Variants in CCSAP observed in about 807,000 individuals in gnomAD.
The protein encoded by CCSAP is centriole, cilia and spindle associated protein, also known as centriole, cilia and spindle-associated protein.
CCSAP carries 17 observed loss-of-function variants against 25.9 expected under a neutral mutation model. The ratio of observed to expected loss-of-function variants is 0.66; its 90% CI spans 0.45 to 0.99. CCSAP has a LOEUF of 0.99. Among genes scored for constraint, CCSAP ranks in the 50% least tolerant of loss-of-function variants. The pLI is 0.00. For missense variants in CCSAP, 339 were observed against 367.8 expected, an observed-to-expected ratio of 0.92 and a Z score of 0.64; for synonymous variants, 169 against 157.1, an observed-to-expected ratio of 1.08 and a Z score of -0.57.
chr1:229,337,678 A>AAAAAAAAAAAAAAATATAG, intron 2 of CCSAP, among the ~76,000 whole-genome samples: 1 of 65,548 alleles, frequency 1.5e-5, no homozygotes. Flanking sequence ...CTCAAAAAAA[A>AAAAAAAAAAAAAAATATAG]ATATATATAT....
Position 229,326,877 on chromosome 1 carries a change from G to A in CCSAP, c.497C>T (p.Ala166Val), listed in dbSNP as rs532974546. The A allele has an allele frequency of 4.6e-5, 75 of 1,614,134 alleles. No homozygotes were observed. The highest frequency in any genetic ancestry group is 1.8e-4 in the East Asian group (8 of 44,878). Residue 166 changes from alanine to valine, a missense_variant, in exon 3 of 4, where the codon GCG becomes GTG. Transcript: ENST00000284617. ...CGATGATCTTTGGGGACTTTTGACC[G>A]CTTTCCTGTTTCCTCTAGCAAATAA... ...SALFARGNRK[A>V]VKSPQRSSSK...
chr1:229,342,310 C>T lies in CCSAP; in HGVS notation c.156G>A (p.Trp52Ter). The change falls in exon 2 of 4, where the codon TGG (tryptophan) becomes TGA (stop). Residue 52 changes from tryptophan (W) to a stop codon, truncating the protein, a stop_gained. Coordinates refer to ENST00000284617, the MANE Select transcript of CCSAP (RefSeq NM_145257.5). LOFTEE classifies it high-confidence loss of function. The surrounding 1 kb of genome is among the most constrained non-coding windows in gnomAD (Gnocchi z 7.5). ...QAHAPWLWDD[W>*]GPAGSSEDSA... ...AGTCCTCCGAGGAGCCGGCCGGGCC[C>T]CAGTCGTCCCAGAGCCAGGGCGCGT... 6.8e-7 allele frequency: 1 copy of T among 1,469,128 alleles called. No homozygotes were observed. The allele number at this position is 1,469,128 out of a possible 1,614,324, so 91.0% of individuals were successfully genotyped here.
intron 2 of CCSAP, among the ~76,000 whole-genome samples, chr1:229,331,393 G>A (rs937247022): frequency 9.2e-5 from 14 of 152,114 alleles, no homozygotes; most frequent in Admixed American, 4.6e-4. Flanking sequence ...ACTCATCACC[G>A]TAACATTAAT....
At position 229,339,579 on chromosome 1, in the gene CCSAP, A is replaced by G. The variant is rs866079354; in HGVS notation, c.367+2520T>C. Among the ~76,000 whole-genome samples, 12 of 152,262 alleles carry G rather than the reference A, an allele frequency of 7.9e-5. No homozygotes were observed. The South Asian group carries it at 1.7e-3, about 21-fold the overall frequency. On this transcript the variant is annotated intron_variant, in intron 2 of 3. Coordinates refer to ENST00000284617, the MANE Select transcript of CCSAP (RefSeq NM_145257.5). Reference sequence around the variant, plus strand: ...AGGCACACGACAGAGACTCAAACCCAAGAGAGAAGCCAAGAAAGGTCCTAG... The same window carrying G: ...AGGCACACGACAGAGACTCAAACCCGAGAGAGAAGCCAAGAAAGGTCCTAG...
intron 2 of CCSAP, among the ~76,000 whole-genome samples, chr1:229,329,296 A>G (rs1052603293): frequency 1.3e-5 from 2 of 152,216 alleles, no homozygotes; most frequent in African/African-American, 4.8e-5. Flanking sequence ...TGATAGGACA[A>G]TCTGGGGCTA....
chr1:229,325,455 T>C lies in CCSAP; in HGVS notation c.637-44A>G, dbSNP rs200618445. On this transcript the variant is annotated intron_variant, in intron 3 of 3. Coordinates refer to ENST00000284617, the MANE Select transcript of CCSAP (RefSeq NM_145257.5). ...AAAGGATAGTAACTTAAGGGGCTATTATACTAATGTTCAACAGAGGTTGCA... is the reference window on the plus strand; with the variant it reads ...AAAGGATAGTAACTTAAGGGGCTATCATACTAATGTTCAACAGAGGTTGCA... The C allele has an allele frequency of 2.6e-3, 3,996 of 1,565,624 alleles. 11 individuals carry two copies. The highest frequency in any genetic ancestry group is 3.1e-3 in the Non-Finnish European group (3,610 of 1,150,936).
chr1:229,338,921 T>G (rs1351081744), intron 2 of CCSAP, among the ~76,000 whole-genome samples: 1 of 150,310 alleles, frequency 6.7e-6, no homozygotes, highest in African/African-American at 2.4e-5. Context: ...AAAAGAAAAA[T>G]AGGATCCCTC....
At chr1:229,327,120 C>A in intron 2 of CCSAP, 114 bp from the exon 3 acceptor site, 1 of 849,832 alleles carries the variant, frequency 1.2e-6, no homozygotes, top group Non-Finnish European at 1.7e-6. Flanking sequence ...TCACTTATGG[C>A]TCAACTCATA....
At chr1:229,335,289 A>G (rs573563847) in intron 2 of CCSAP, among the ~76,000 whole-genome samples, 1 of 152,260 alleles carries the variant, frequency 6.6e-6, no homozygotes, top group East Asian at 1.9e-4. Flanking sequence ...ATTGCACTCT[A>G]GCCTAGGCAA....
chr1:229,342,249 C>T lies in CCSAP; in HGVS notation c.217G>A (p.Ala73Thr). 1 of 1,272,786 alleles carries T rather than the reference C, an allele frequency of 7.9e-7. No homozygotes were observed. The highest frequency in any genetic ancestry group is 9.9e-7 in the Non-Finnish European group (1 of 1,012,468). 78.8% of individuals were successfully genotyped at this position (1,272,786 alleles called of 1,614,324 possible). ...GGCGAGGGCGGGGCGCACCGGGGTG[C>T]GGGGCCCCCGGCGCCCGACGACTCT... ...SSESSGAGGPAPRCAPPSPPP... is the reference protein window; with the variant it reads ...SSESSGAGGPTPRCAPPSPPP... The change falls in exon 2 of 4, where the codon GCA (alanine) becomes ACA (threonine). Residue 73 changes from alanine (A) to threonine (T), a missense_variant. Coordinates refer to ENST00000284617, the MANE Select transcript of CCSAP (RefSeq NM_145257.5). This position sits in a 1 kb window ranked among gnomAD's most constrained non-coding sequence, Gnocchi z 7.5.
At chr1:229,340,613 T>G (rs953289636) in intron 2 of CCSAP, 2 of 532,918 alleles carry the variant, frequency 3.8e-6, no homozygotes, top group Admixed American at 3.4e-5. Context: ...CTCCACCTTC[T>G]GTTATTTGCA....
Position 229,342,110 on chromosome 1 carries a change from G to C in CCSAP, c.356C>G (p.Ala119Gly), listed in dbSNP as rs527713891. 2.6e-5 allele frequency: 35 copies of C among 1,345,234 alleles called. No homozygotes were observed. In the South Asian group the frequency reaches 5.3e-4, roughly 20 times the overall value. 83.3% of individuals were successfully genotyped at this position (1,345,234 alleles called of 1,614,324 possible). A position where few individuals can be genotyped will look rare whatever the true frequency, so the allele number is the denominator to read the frequency against. Residue 119 changes from alanine (A) to glycine (G), a missense_variant, in exon 2 of 4, where the codon GCG becomes GGG. Ala to Gly is a moderately conservative substitution (Grantham distance 60). Coordinates refer to ENST00000284617, the MANE Select transcript of CCSAP (RefSeq NM_145257.5). The surrounding 1 kb of genome is among the most constrained non-coding windows in gnomAD (Gnocchi z 7.5). ...TCCGGGCCGGGTACCTGGCAGAGCC[G>C]CGTCCTCCGCGTCCTCGGCCTCCGC... is the stretch of plus-strand genomic sequence containing the variant. Reference protein sequence around the residue: ...GDAEAEDAEDAALPALPVKDV... With the variant: ...GDAEAEDAEDGALPALPVKDV...
rs1657913908 is a variant in CCSAP at position 229,325,286 on chromosome 1, TGAG to T, written c.759_761del (p.Ser254del). 6.2e-7 allele frequency: 1 copy of T among 1,614,192 alleles called. No individual in the cohort carries two copies. Among genetic ancestry groups the T allele is most frequent in the East Asian group, 2.2e-5 (1 of 44,886 alleles). On this transcript the variant is annotated inframe_deletion, in exon 4 of 4. Coordinates refer to ENST00000284617, the MANE Select transcript of CCSAP (RefSeq NM_145257.5). ...TGTATTCTGTCATCCACGGGTTCTCTGAGGAGGAAGCCTTCATCTTTCTGTTCT... is the reference window on the plus strand; with the variant it reads ...TGTATTCTGTCATCCACGGGTTCTCTGAGGAAGCCTTCATCTTTCTGTTCT...
chr1:229,333,748 G>T lies in CCSAP; in HGVS notation c.368-6742C>A, dbSNP rs1258903594. 2.0e-5 allele frequency among the ~76,000 whole-genome samples: 3 copies of T among 152,174 alleles called. No individual in the cohort carries two copies. The East Asian group carries it at 5.8e-4, about 30-fold the overall frequency. On this transcript the variant is annotated intron_variant, in intron 2 of 3. Transcript: ENST00000284617. The stretch of plus-strand genomic sequence containing the variant: ...TACAAAAAATTAGCCAGGCATGGTT[G>T]TGTATGCCTGTGGGCCCAGCTACTC...
intron 2 of CCSAP, among the ~76,000 whole-genome samples, chr1:229,339,363 C>T (rs1023366248): frequency 6.6e-6 from 1 of 152,110 alleles, no homozygotes; most frequent in African/African-American, 2.4e-5. Context: ...AGGAATGCCC[C>T]CAGAGTTTCT....
chr1:229,326,128 T>C (rs1205191490), intron 3 of CCSAP, among the ~76,000 whole-genome samples: 1 of 152,226 alleles, frequency 6.6e-6, no homozygotes, highest in Admixed American at 6.5e-5. Context: ...GAAGGTCCTC[T>C]CATCTGAAAT....
intron 2 of CCSAP, 111 bp from the exon 3 acceptor site, chr1:229,327,117 T>G: frequency 2.3e-6 from 2 of 879,166 alleles, no homozygotes; most frequent in Non-Finnish European, 1.7e-6. Flanking sequence ...TTTTCACTTA[T>G]GGCTCAACTC....
At chr1:229,329,256 C>A (rs935448936) in intron 2 of CCSAP, among the ~76,000 whole-genome samples, 1 of 152,178 alleles carries the variant, frequency 6.6e-6, no homozygotes, top group Non-Finnish European at 1.5e-5. Context: ...CCCAGAGAAG[C>A]CTGCCCATAG....
intron 2 of CCSAP, among the ~76,000 whole-genome samples, chr1:229,330,335 A>G (rs1558250005): frequency 6.6e-6 from 1 of 151,998 alleles, no homozygotes; most frequent in Non-Finnish European, 1.5e-5. Context: ...CTCAGGAGAG[A>G]AGATGGCATG....
Sources: gnomAD v4.1 joint callset for allele counts (sites outside exome capture counted in the v4.1 genomes callset) on GRCh38, gnomAD v4.1.1 for gene constraint, Gnocchi (gnomAD v3.1) non-coding constraint, MANE v1.5 for transcripts, NCBI Gene and HGNC (gene_info 2026-07-23, HGNC 2026-07-21) for gene names.